The following PTPN13 variants were observed in gnomAD, a reference collection of about 807,000 sequenced individuals.
The protein encoded by PTPN13 is protein tyrosine phosphatase non-receptor type 13, also known as tyrosine-protein phosphatase non-receptor type 13.
Under a neutral mutation model 284.0 loss-of-function variants are expected in PTPN13, and 191 were observed. That is an observed-to-expected ratio of 0.67 (90% CI 0.60 to 0.76). The LOEUF is 0.76. PTPN13 is among the 30% of genes least tolerant of loss of function. The probability of loss-of-function intolerance (pLI) is 0.00; values close to 1 mark genes in which losing one functional copy is unlikely to be tolerated. For missense variants in PTPN13, 2,797 were observed against 2,939.9 expected, an observed-to-expected ratio of 0.95 and a Z score of 1.12; for synonymous variants, 986 against 1,022.3, an observed-to-expected ratio of 0.96 and a Z score of 0.68.
intron 15 of PTPN13, among the ~76,000 whole-genome samples, chr4:86,739,837 A>G (rs1289821513): frequency 2.0e-5 from 3 of 152,218 alleles, no homozygotes; most frequent in Non-Finnish European, 2.9e-5. Flanking sequence ...TTGGGTAAAT[A>G]CAGCCATTCC....
At chr4:86,655,469 T>G (rs984647693) in intron 2 of PTPN13, among the ~76,000 whole-genome samples, 1 of 152,202 alleles carries the variant, frequency 6.6e-6, no homozygotes, top group Non-Finnish European at 1.5e-5. Flanking sequence ...TTTGCTTGTC[T>G]GTAAAGGATT....
Position 86,807,851 on chromosome 4 carries a change from A to G in PTPN13, c.7037A>G (p.Gln2346Arg), listed in dbSNP as rs768480004. 6.2e-7 allele frequency: 1 copy of G among 1,614,022 alleles called. No homozygotes were observed. The highest frequency in any genetic ancestry group is 2.2e-5 in the East Asian group (1 of 44,892). Residue 2346 changes from glutamine to arginine, a missense_variant, in exon 45 of 48, where the codon CAG becomes CGG. Physicochemically the swap from Gln to Arg is conservative, Grantham distance 43. Transcript: ENST00000411767. ...RLRLALVRMQ[Q>R]LKGFVVRAMT... ...CGACTGGCTCTTGTGAGAATGCAGC[A>G]GCTGAAGGGCTTTGTGGTGAGGGCA...
At chr4:86,686,164 C>T (rs562857542) in intron 3 of PTPN13, among the ~76,000 whole-genome samples, 45 of 152,210 alleles carry the variant, frequency 3.0e-4, no homozygotes, top group Middle Eastern at 6.8e-3. Context: ...GAATTCAAGA[C>T]GAGCCTGGCC....
At chr4:86,765,882 C>G (rs1277983278) in intron 26 of PTPN13, among the ~76,000 whole-genome samples, 2 of 151,646 alleles carry the variant, frequency 1.3e-5, no homozygotes, top group East Asian at 3.9e-4. Flanking sequence ...GGCTGGAGTG[C>G]AGTGGTGCGA....
At position 86,780,444 on chromosome 4, in the gene PTPN13, T is replaced by G; in HGVS notation, c.5934T>G (p.Val1978=). ...PVVPSSKRSA[V]SAPKSTKGNG... ...TCCCCAGCTCAAAGAGGTCTGCTGTTTCAGCTCCAAAGTCAACCAAAGGCA... is the reference window on the plus strand; with the variant it reads ...TCCCCAGCTCAAAGAGGTCTGCTGTGTCAGCTCCAAAGTCAACCAAAGGCA... Residue 1978 remains valine, a synonymous_variant, in exon 36 of 48, where the codon GTT becomes GTG. Coordinates refer to ENST00000411767, the MANE Select transcript of PTPN13 (RefSeq NM_080683.3). 6.2e-7 allele frequency: 1 copy of G among 1,611,224 alleles called. No homozygotes were observed. The highest frequency in any genetic ancestry group is 8.5e-7 in the Non-Finnish European group (1 of 1,178,356).
chr4:86,695,276 A>G (rs1420754878), intron 6 of PTPN13, among the ~76,000 whole-genome samples: 1 of 152,122 alleles, frequency 6.6e-6, no homozygotes, highest in Non-Finnish European at 1.5e-5. Flanking sequence ...CAAAAAAATA[A>G]CAGTGTGGTA....
chr4:86,721,593 G>T (rs115581251), intron 9 of PTPN13, among the ~76,000 whole-genome samples: 1,726 of 152,008 alleles, frequency 0.011, 21 homozygotes, highest in Non-Finnish European at 0.018. Context: ...AGAACAAGAG[G>T]CTCCTAACAC....
intron 5 of PTPN13, chr4:86,689,518 G>GA (rs1192994916): frequency 3.1e-5 from 19 of 609,214 alleles, no homozygotes; most frequent in East Asian, 2.2e-4. Flanking sequence ...TGAACACCTA[G>GA]AAAAAATGTA....
intron 2 of PTPN13, among the ~76,000 whole-genome samples, chr4:86,645,804 AT>A (rs1232629988): frequency 1.3e-5 from 2 of 151,426 alleles, no homozygotes; most frequent in Admixed American, 6.6e-5. Context: ...AACAGGCTAT[AT>A]TTTTTTTTGT....
intron 1 of PTPN13, among the ~76,000 whole-genome samples, chr4:86,632,595 C>T (rs1195925020): frequency 6.6e-6 from 1 of 151,946 alleles, no homozygotes; most frequent in Non-Finnish European, 1.5e-5. Flanking sequence ...TCTTTCAGGC[C>T]ATTCCACAGT....
intron 2 of PTPN13, among the ~76,000 whole-genome samples, chr4:86,656,273 C>T (rs1391555252): frequency 1.3e-5 from 2 of 152,174 alleles, no homozygotes; most frequent in South Asian, 2.1e-4. Flanking sequence ...AGCTTTGTTG[C>T]GTTTCTGGCA....
intron 28 of PTPN13, among the ~76,000 whole-genome samples, chr4:86,768,290 A>T (rs949961140): frequency 2.6e-5 from 4 of 152,232 alleles, no homozygotes; most frequent in African/African-American, 9.6e-5. Flanking sequence ...GATGCCTTCA[A>T]ACCCATGGGA....
intron 6 of PTPN13, among the ~76,000 whole-genome samples, 167 bp from the exon 7 acceptor site, chr4:86,701,074 A>G (rs1431124195): frequency 1.3e-5 from 2 of 152,236 alleles, no homozygotes; most frequent in African/African-American, 2.4e-5. Flanking sequence ...CAAACATAGT[A>G]TCTCTTTCCT....
intron 43 of PTPN13, among the ~76,000 whole-genome samples, chr4:86,804,793 A>T (rs948441736): frequency 6.6e-6 from 1 of 152,252 alleles, no homozygotes; most frequent in Non-Finnish European, 1.5e-5. Flanking sequence ...AGTACCTTGC[A>T]TATAATGAGC....
chr4:86,710,269 C>T (rs1461736221), intron 7 of PTPN13, among the ~76,000 whole-genome samples: 5 of 152,078 alleles, frequency 3.3e-5, no homozygotes, highest in South Asian at 2.1e-4. Context: ...TATTTCTCTT[C>T]GAAACTTGTG....
chr4:86,615,998 A>T (rs1348401895), intron 1 of PTPN13, among the ~76,000 whole-genome samples: 1 of 152,210 alleles, frequency 6.6e-6, no homozygotes. Context: ...ACATTGTCTG[A>T]TGCAGTGCCT....
intron 2 of PTPN13, among the ~76,000 whole-genome samples, chr4:86,660,767 C>T (rs1726393317): frequency 6.6e-6 from 1 of 152,050 alleles, no homozygotes; most frequent in Non-Finnish European, 1.5e-5. Flanking sequence ...GTATATGACA[C>T]ACTTGTAGCA....
rs944802370 is a variant in PTPN13 at position 86,771,073 on chromosome 4, C to T, written c.4804-98C>T. 7.8e-6 allele frequency: 10 copies of T among 1,284,682 alleles called. No homozygotes were observed. The African/African-American group carries it at 1.5e-4, about 19-fold the overall frequency. The allele number at this position is 1,284,682 out of a possible 1,614,324, so 79.6% of individuals were successfully genotyped here. ...ACTTTTATCATCAGAAAATTCAATG[C>T]ATACTTTAGTAGAAAGTTGTTCAAT... On this transcript the variant is annotated intron_variant, in intron 30 of 47. Coordinates refer to ENST00000411767, the MANE Select transcript of PTPN13 (RefSeq NM_080683.3).
rs963091227 is a variant in PTPN13, at chr4:86,728,146, G to A, written c.1609-4254G>A. Among the ~76,000 whole-genome samples the A allele has an allele frequency of 3.3e-4, 50 of 149,548 alleles. 4 individuals carry two copies. Among genetic ancestry groups the A allele is most frequent in the Non-Finnish European group, 1.5e-4 (10 of 66,692 alleles). ...AGTTTTGAGTAAGTTTCTTAATCCC[G>A]AGCTCTAATTTGATTGCACTGTAGT... On this transcript the variant is annotated intron_variant, in intron 10 of 47. Transcript: ENST00000411767.
Sources: gnomAD v4.1 joint callset for allele counts (sites outside exome capture counted in the v4.1 genomes callset) on GRCh38, gnomAD v4.1.1 for gene constraint, MANE v1.5 for transcripts, NCBI Gene and HGNC (gene_info 2026-07-23, HGNC 2026-07-21) for gene names.